The following SLC2A9 variants were observed in gnomAD, a reference collection of about 807,000 sequenced individuals.
SLC2A9 encodes the protein solute carrier family 2, facilitated glucose transporter member 9.
SLC2A9 carries 39 observed loss-of-function variants against 50.6 expected under a neutral mutation model. The ratio of observed to expected loss-of-function variants is 0.77; its 90% confidence interval spans 0.60 to 1.01. The LOEUF is 1.01. Ranked by LOEUF, SLC2A9 falls within the 50% of genes least tolerant of loss-of-function variation. The pLI is 0.00. For missense variants in SLC2A9, 686 were observed against 677.6 expected, an observed-to-expected ratio of 1.01 and a Z score of -0.14; for synonymous variants, 324 against 276.9, an observed-to-expected ratio of 1.17 and a Z score of -1.69.
intron 3 of SLC2A9, chr4:9,783,068 T>C: frequency 1.9e-6 from 3 of 1,614,224 alleles, no homozygotes; most frequent in Non-Finnish European, 2.5e-6. Context: ...CTTCGTCTGG[T>C]TCGGCTGGGC....
In SLC2A9 at chr4:9,848,917, T is replaced by C. The variant is rs543682037; in HGVS notation, c.1292-13909A>G. 1.3e-5 allele frequency among the ~76,000 whole-genome samples: 2 copies of C among 152,268 alleles called. 1 individual carries two copies. The highest frequency in any genetic ancestry group is 4.1e-4 in the South Asian group (2 of 4,826). ...CGGGGTTTCTGCATGTTGGTCAGGC[T>C]GGTCTCAATCTCCTGACCTTGTGAT... On this transcript the variant is annotated intron_variant, in intron 10 of 11. Transcript: ENST00000264784.
chr4:9,903,868 A>G (rs991451762), intron 8 of SLC2A9, among the ~76,000 whole-genome samples: 13 of 147,396 alleles, frequency 8.8e-5, no homozygotes, highest in African/African-American at 2.7e-4. Context: ...TATTTTATAT[A>G]TTATAAATTT....
intron 10 of SLC2A9, among the ~76,000 whole-genome samples, chr4:9,885,010 G>C (rs1735923235): frequency 6.6e-6 from 1 of 152,124 alleles, no homozygotes; most frequent in East Asian, 1.9e-4. Flanking sequence ...CACACACTGG[G>C]GCCTGTCTGG....
chr4:10,029,086 G>C (rs933778409), intron 1 of SLC2A9: 6 of 152,256 alleles, frequency 3.9e-5, no homozygotes, highest in African/African-American at 1.4e-4. Flanking sequence ...ATCCTCAGAG[G>C]GCTGACATCT....
chr4:9,835,025 A>C lies in SLC2A9; in HGVS notation c.1292-17T>G. On this transcript the variant is annotated splice_polypyrimidine_tract_variant and intron_variant, in intron 10 of 11. Coordinates refer to ENST00000264784, the MANE Select transcript of SLC2A9 (RefSeq NM_020041.3). ...GGATGCCACCTGCAGTGTGTGAGCC[A>C]GGACATGGAATTAATCACTCTGAGA... The C allele has an allele frequency of 6.2e-7, 1 of 1,612,778 alleles. No individual in the cohort carries two copies. The highest frequency in any genetic ancestry group is 2.2e-5 in the East Asian group (1 of 44,888).
intron 10 of SLC2A9, among the ~76,000 whole-genome samples, chr4:9,837,541 C>A (rs145911075): frequency 2.0e-5 from 3 of 152,168 alleles, no homozygotes; most frequent in Non-Finnish European, 4.4e-5. Flanking sequence ...CAATGGAATG[C>A]GGTACATCAA....
chr4:9,919,686 C>T (rs745441876), intron 7 of SLC2A9, among the ~76,000 whole-genome samples: 61 of 152,216 alleles, frequency 4.0e-4, no homozygotes, highest in Admixed American at 1.3e-4. Flanking sequence ...ATCTCCTCTA[C>T]GCTCCCCTGC....
chr4:9,921,061 G>A (rs1298155086), intron 6 of SLC2A9, among the ~76,000 whole-genome samples: 8 of 152,212 alleles, frequency 5.3e-5, no homozygotes, highest in Non-Finnish European at 1.2e-4. Flanking sequence ...CCTCATTGCA[G>A]GTGTCCGGAG....
chr4:9,907,081 T>C (rs958399524), intron 8 of SLC2A9, among the ~76,000 whole-genome samples: 11 of 152,370 alleles, frequency 7.2e-5, no homozygotes, highest in African/African-American at 2.6e-4. Context: ...TGGGCATCAA[T>C]CTTGTCAGTG....
At chr4:9,826,098 T>A, downstream of SLC2A9, 1 of 374,772 alleles carries the variant, frequency 2.7e-6, no homozygotes, top group South Asian at 3.1e-5. Flanking sequence ...GGTTGAGTCA[T>A]GAAGAAGGCA....
intron 10 of SLC2A9, among the ~76,000 whole-genome samples, chr4:9,848,865 C>T (rs1374573780): frequency 1.3e-5 from 2 of 152,050 alleles, no homozygotes; most frequent in Admixed American, 6.6e-5. Context: ...CTACCACGCC[C>T]GGCTAATTTT....
chr4:9,949,499 G>T (rs545600335), intron 5 of SLC2A9, among the ~76,000 whole-genome samples: 1 of 152,294 alleles, frequency 6.6e-6, no homozygotes, highest in South Asian at 2.1e-4. Flanking sequence ...GTCCATAGAA[G>T]AGAAAATGTA....
At chr4:9,820,423 A>G (rs772385502) in intron 3 of SLC2A9, among the ~76,000 whole-genome samples, 1 of 152,214 alleles carries the variant, frequency 6.6e-6, no homozygotes, top group South Asian at 2.1e-4. Flanking sequence ...TTGTTTAAAA[A>G]ACTGTTTTGC....
Position 10,008,166 on chromosome 4 carries a change from C to T in SLC2A9, c.249+10809G>A, listed in dbSNP as rs6856989. 4.1e-4 allele frequency among the ~76,000 whole-genome samples: 62 copies of T among 152,330 alleles called. 1 individual carries two copies. Among genetic ancestry groups the T allele is most frequent in the African/African-American group, 1.3e-3 (55 of 41,574 alleles). Reference sequence around the variant, plus strand: ...GAGCTTCCTGGAGATTTGATGGGACCGAGTTCCTTTCCCCATTTGGCTCAA... The same window carrying T: ...GAGCTTCCTGGAGATTTGATGGGACTGAGTTCCTTTCCCCATTTGGCTCAA... On this transcript the variant is annotated intron_variant, in intron 2 of 11. Transcript: ENST00000264784.
downstream of SLC2A9, among the ~76,000 whole-genome samples, chr4:9,821,272 C>T (rs576754041): frequency 4.3e-4 from 65 of 152,224 alleles, no homozygotes; most frequent in Admixed American, 3.9e-3. Context: ...ATTTCTCTAC[C>T]TTGTTGTGGT....
intron 8 of SLC2A9, among the ~76,000 whole-genome samples, chr4:9,907,034 A>C (rs1194913924): frequency 6.6e-6 from 1 of 152,276 alleles, no homozygotes; most frequent in African/African-American, 2.4e-5. Context: ...GTCAACAAGA[A>C]GTCAGAAAGA....
chr4:9,883,211 T>G (rs903784334), intron 10 of SLC2A9, among the ~76,000 whole-genome samples: 1 of 152,086 alleles, frequency 6.6e-6, no homozygotes, highest in Non-Finnish European at 1.5e-5. Context: ...AGTATTTTTG[T>G]GAAAATTAAA....
At chr4:9,979,790 T>G (rs1755397160) in intron 5 of SLC2A9, among the ~76,000 whole-genome samples, 2 of 152,120 alleles carry the variant, frequency 1.3e-5, no homozygotes. Flanking sequence ...GAACAGACGC[T>G]TCATCTCTCA....
chr4:9,850,927 C>T (rs775005175), intron 10 of SLC2A9, among the ~76,000 whole-genome samples: 1 of 152,000 alleles, frequency 6.6e-6, no homozygotes, highest in Non-Finnish European at 1.5e-5. Context: ...CCTGCCAGTG[C>T]CCCACCCCCA....
Sources: allele counts gnomAD v4.1 joint callset (sites outside exome capture counted in the v4.1 genomes callset), GRCh38; gene constraint gnomAD v4.1.1; transcripts MANE v1.5; gene names NCBI Gene and HGNC (gene_info 2026-07-23, HGNC 2026-07-21).